KMT2C: variants seen among roughly 807,000 people sequenced by gnomAD.
KMT2C encodes the protein histone-lysine N-methyltransferase 2C.
KMT2C carries 88 observed loss-of-function variants against 507.9 expected under a neutral mutation model. That is an observed-to-expected ratio of 0.17 (90% CI 0.15 to 0.21). The LOEUF (loss-of-function observed/expected upper bound fraction) is 0.21. Among genes scored for constraint, KMT2C ranks in the 10% least tolerant of loss-of-function variants. KMT2C has a pLI of 1.00. For missense variants in KMT2C, 4,954 were observed against 5,957.8 expected (o/e 0.83, Z 5.55); for synonymous variants, 2,049 against 2,080.8 (o/e 0.98, Z 0.42).
intron 49 of KMT2C, among the ~76,000 whole-genome samples, chr7:152,152,390 G>A (rs1163419051): frequency 2.0e-5 from 3 of 152,220 alleles, no homozygotes; most frequent in African/African-American, 4.8e-5. Flanking sequence ...CAGGTGCAGC[G>A]GGATGGGGGT....
intron 7 of KMT2C, among the ~76,000 whole-genome samples, chr7:152,267,812 A>C (rs1287867508): frequency 6.6e-6 from 1 of 152,158 alleles, no homozygotes; most frequent in African/African-American, 2.4e-5. Context: ...GTATGAGGCA[A>C]AAAGGCCCTT....
intron 55 of KMT2C, among the ~76,000 whole-genome samples, chr7:152,141,706 C>G: frequency 8.0e-6 from 1 of 125,766 alleles, no homozygotes; most frequent in Non-Finnish European, 1.6e-5. Flanking sequence ...GAGGAAGACT[C>G]TGTCTCAAAA....
intron 18 of KMT2C, 116 bp downstream of exon 18, chr7:152,229,807 T>G: frequency 1.9e-6 from 1 of 532,820 alleles, no homozygotes. Context: ...ATTTAAATAC[T>G]GTCACATATG....
At chr7:152,289,299 C>T (rs2096364391) in intron 6 of KMT2C, among the ~76,000 whole-genome samples, 1 of 152,152 alleles carries the variant, frequency 6.6e-6, no homozygotes, top group Non-Finnish European at 1.5e-5. Context: ...ATTGGCACTA[C>T]AACTACAGTA....
intron 6 of KMT2C, among the ~76,000 whole-genome samples, chr7:152,290,220 A>ATGTGTGTGTGTGTGTGTG (rs71198772): frequency 1.2e-5 from 1 of 86,294 alleles, no homozygotes; most frequent in African/African-American, 4.7e-5. Context: ...TTATATATAT[A>ATGTGTGTGTGTGTGTGTG]TGTGTGTGTG....
At chr7:152,160,165 AT>A (rs995873584) in intron 43 of KMT2C, among the ~76,000 whole-genome samples, 4 of 152,156 alleles carry the variant, frequency 2.6e-5, no homozygotes, top group Admixed American at 2.0e-4. Flanking sequence ...TCTTCCTTAG[AT>A]TTTTTTTCAA....
intron 1 of KMT2C, among the ~76,000 whole-genome samples, chr7:152,376,955 T>A (rs1242504580): frequency 1.3e-5 from 2 of 150,752 alleles, no homozygotes; most frequent in African/African-American, 4.9e-5. Context: ...GAGGCCAAGG[T>A]AGGAGAATCG....
chr7:152,425,335 G>A (rs1248366950), intron 1 of KMT2C, among the ~76,000 whole-genome samples: 2 of 152,180 alleles, frequency 1.3e-5, no homozygotes, highest in Non-Finnish European at 2.9e-5. Flanking sequence ...CTGCACTTTG[G>A]AAGGCCAAGG....
At chr7:152,313,975 G>C (rs2096698588) in intron 4 of KMT2C, among the ~76,000 whole-genome samples, 1 of 152,100 alleles carries the variant, frequency 6.6e-6, no homozygotes, top group Non-Finnish European at 1.5e-5. Context: ...GATACAGCCT[G>C]ATTCACTCCA....
intron 6 of KMT2C, among the ~76,000 whole-genome samples, chr7:152,300,080 C>G (rs548047276): frequency 6.6e-6 from 1 of 152,206 alleles, no homozygotes; most frequent in African/African-American, 2.4e-5. Context: ...ACACTTATCA[C>G]AGCCTGTCTA....
At position 152,177,523 on chromosome 7, in the gene KMT2C, T is replaced by C. The variant is rs376073836; in HGVS notation, c.7930A>G (p.Met2644Val). 47 of 1,614,068 alleles carry C rather than the reference T, an allele frequency of 2.9e-5. No individual in the cohort carries two copies. The African/African-American group carries it at 4.1e-4, about 14-fold the overall frequency. The change falls in exon 38 of 59, where the codon ATG becomes GTG. Residue 2644 changes from methionine to valine, a missense_variant. Physicochemically the swap from Met to Val is conservative, Grantham distance 21. Around this residue, in one of 29 missense-constraint regions of KMT2C, gnomAD observed 1,689 missense variants for 1,654.3 expected, o/e 1.02. Transcript: ENST00000262189. Reference protein sequence around the residue: ...EQGHSVHSSSMVMRTLNHPLG... With the variant: ...EQGHSVHSSSVVMRTLNHPLG... ...GGATGGTTCAGAGTCCTCATGACCA[T>C]AGAAGATGAATGGACAGAATGACCT...
At chr7:152,377,485 A>G (rs1225074232) in intron 1 of KMT2C, among the ~76,000 whole-genome samples, 2 of 152,374 alleles carry the variant, frequency 1.3e-5, no homozygotes, top group African/African-American at 4.8e-5. Flanking sequence ...CTGTAATCCC[A>G]GCACTCTGGG....
intron 1 of KMT2C, among the ~76,000 whole-genome samples, chr7:152,380,801 AAAGG>A (rs1258805422): frequency 6.6e-6 from 1 of 152,142 alleles, no homozygotes; most frequent in Non-Finnish European, 1.5e-5. Flanking sequence ...GAGAGTGGAA[AAAGG>A]AAGGAGGGGT....
Position 152,176,497 on chromosome 7 carries a change from C to T in KMT2C, c.8956G>A (p.Gly2986Ser), listed in dbSNP as rs1563253073. ...ATGAGCCCTGGGTTTACCTGCACAC[C>T]CTGAGAAAAAACATGGTTTACCCTA... Reference protein sequence around the residue: ...VSRVNHVFSQGVQVNPGLIPG... With the variant: ...VSRVNHVFSQSVQVNPGLIPG... Residue 2986 changes from glycine (G) to serine (S), a missense_variant, in exon 38 of 59, where the codon GGT (glycine) becomes AGT (serine). Transcript: ENST00000262189. The T allele has an allele frequency of 3.7e-6, 6 of 1,613,904 alleles. No individual in the cohort carries two copies. The highest frequency in any genetic ancestry group is 4.2e-6 in the Non-Finnish European group (5 of 1,180,028).
At position 152,431,217 on chromosome 7, in the gene KMT2C, A is replaced by G. The variant is rs1413425034; in HGVS notation, c.161+4409T>C. ...CCAATATGTAAATTGGTAAGTTTACATATTAGTAACTAATATGTAAATTTA... is the reference window on the plus strand; with the variant it reads ...CCAATATGTAAATTGGTAAGTTTACGTATTAGTAACTAATATGTAAATTTA... On this transcript the variant is annotated intron_variant, in intron 1 of 58. Transcript: ENST00000262189. 3.3e-5 allele frequency among the ~76,000 whole-genome samples: 5 copies of G among 152,218 alleles called. No individual in the cohort carries two copies. In the East Asian group the frequency reaches 9.6e-4, roughly 29 times the overall value.
chr7:152,303,520 G>A (rs1464295066), intron 6 of KMT2C, among the ~76,000 whole-genome samples: 2 of 152,158 alleles, frequency 1.3e-5, no homozygotes, highest in African/African-American at 4.8e-5. Context: ...TTGTGTTCCA[G>A]ATACTTTGTT....
At chr7:152,368,501 A>G in intron 1 of KMT2C, 1 of 1,312,136 alleles carries the variant, frequency 7.6e-7, no homozygotes. Flanking sequence ...TGGCGCCGTG[A>G]GCTAATGAAA....
At chr7:152,234,427 C>A (rs920513570) in intron 16 of KMT2C, among the ~76,000 whole-genome samples, 1 of 151,790 alleles carries the variant, frequency 6.6e-6, no homozygotes, top group African/African-American at 2.4e-5. Flanking sequence ...AAAAACCCCC[C>A]ACAAAGAAAA....
intron 23 of KMT2C, among the ~76,000 whole-genome samples, chr7:152,209,139 G>A (rs200358899): frequency 1.4e-5 from 2 of 138,948 alleles, no homozygotes; most frequent in East Asian, 2.2e-4. Context: ...AGCCTGAGCA[G>A]CAAGAGTGAA....
Sources: gnomAD v4.1 joint callset for allele counts (sites outside exome capture counted in the v4.1 genomes callset) on GRCh38, gnomAD v4.1.1 for gene constraint, gnomAD v4.1.1 regional missense constraint, MANE v1.5 for transcripts, NCBI Gene and HGNC (gene_info 2026-07-23, HGNC 2026-07-21) for gene names.